The following DCLK1 variants were observed in gnomAD, a reference collection of about 807,000 sequenced individuals.
The protein encoded by DCLK1 is serine/threonine-protein kinase DCLK1.
A neutral mutation model predicts 86.2 loss-of-function variants in DCLK1; 16 were observed. The observed-to-expected ratio is 0.19, with a 90% confidence interval of 0.13 to 0.28. The LOEUF (loss-of-function observed/expected upper bound fraction) is 0.28. Among genes scored for constraint, DCLK1 ranks in the 10% least tolerant of loss-of-function variants. The pLI is 1.00. For missense variants in DCLK1, 590 were observed against 940.2 expected, an observed-to-expected ratio of 0.63 and a Z score of 4.87; for synonymous variants, 369 against 370.5, an observed-to-expected ratio of 1.00 and a Z score of 0.05.
chr13:36,087,362 G>T (rs190087020), intron 3 of DCLK1, among the ~76,000 whole-genome samples: 1 of 152,294 alleles, frequency 6.6e-6, no homozygotes. Flanking sequence ...CAACAAAACA[G>T]GGCATTTATC....
intron 3 of DCLK1, among the ~76,000 whole-genome samples, chr13:36,106,991 T>C (rs1019439782): frequency 5.3e-5 from 8 of 152,194 alleles, no homozygotes; most frequent in Non-Finnish European, 8.8e-5. Context: ...ATCTGATTAA[T>C]AGATTCCTAT....
At position 35,905,825 on chromosome 13, in the gene DCLK1, G is replaced by A. The variant is rs538522935; in HGVS notation, c.824-34485C>T. ...TAGCCAGGTGTGGTGGTGTGGGACT[G>A]TGGGCTCCGTCTCAAAAAAAAAAAG... On this transcript the variant is annotated intron_variant, in intron 4 of 16. Coordinates refer to ENST00000360631, the MANE Select transcript of DCLK1 (RefSeq NM_001330071.2). Among the ~76,000 whole-genome samples the A allele has an allele frequency of 5.2e-4, 78 of 149,314 alleles. 1 individual carries two copies. The highest frequency in any genetic ancestry group is 9.4e-4 in the Non-Finnish European group (64 of 67,920).
At chr13:35,924,371 C>T (rs767968984) in intron 4 of DCLK1, among the ~76,000 whole-genome samples, 17 of 152,020 alleles carry the variant, frequency 1.1e-4, no homozygotes, top group Admixed American at 6.6e-4. Context: ...AGGCTTAGGC[C>T]GGGCACAGTG....
intron 3 of DCLK1, among the ~76,000 whole-genome samples, chr13:36,111,353 A>T (rs1373078190): frequency 1.5e-4 from 23 of 152,202 alleles, no homozygotes; most frequent in Admixed American, 1.5e-3. Flanking sequence ...CTATTCTAGA[A>T]ATATGCCTTT....
rs58801666 is a variant in DCLK1, at chr13:35,901,491, C to CAAAAAAAA, written c.824-30159_824-30152dup. ...GGTGACAGAGTGAGAGACTCTGTCT[C>CAAAAAAAA]AAAAAAAAAAAAAAAAAAAAAAAAA... is the stretch of plus-strand genomic sequence containing the variant. On this transcript the variant is annotated intron_variant, in intron 4 of 16. Transcript: ENST00000360631. 8.9e-4 allele frequency among the ~76,000 whole-genome samples: 41 copies of CAAAAAAAA among 45,876 alleles called. 10 individuals carry two copies. Among genetic ancestry groups the CAAAAAAAA allele is most frequent in the Non-Finnish European group, 1.2e-3 (35 of 29,032 alleles). The allele number at this position is 45,876 out of a possible 152,430, so 30.1% of individuals were successfully genotyped here.
At position 35,900,359 on chromosome 13, in the gene DCLK1, G is replaced by T. The variant is rs145896227; in HGVS notation, c.824-29019C>A. Among the ~76,000 whole-genome samples, 1,404 of 151,696 alleles carry T rather than the reference G, an allele frequency of 9.3e-3. 23 individuals carry two copies. Among genetic ancestry groups the T allele is most frequent in the African/African-American group, 0.032 (1,341 of 41,324 alleles). On this transcript the variant is annotated intron_variant, in intron 4 of 16. Transcript: ENST00000360631. The stretch of plus-strand genomic sequence containing the variant: ...AGGTTCAAGCAATTCTTGTGCCTCA[G>T]CCTTCCAAGTAGCCGGGATTACAGG...
At chr13:36,068,311 CTG>C (rs1430533999) in intron 3 of DCLK1, among the ~76,000 whole-genome samples, 1 of 152,172 alleles carries the variant, frequency 6.6e-6, no homozygotes, top group Non-Finnish European at 1.5e-5. Flanking sequence ...GCTAGCTACA[CTG>C]TCTTGGTCTC....
chr13:35,954,563 C>T (rs140193906), intron 3 of DCLK1, among the ~76,000 whole-genome samples: 25 of 152,180 alleles, frequency 1.6e-4, no homozygotes, highest in African/African-American at 5.1e-4. Context: ...AAGCGTGTTA[C>T]GTTATTGTCA....
chr13:35,943,577 C>T (rs764427209), intron 4 of DCLK1, among the ~76,000 whole-genome samples: 17 of 152,038 alleles, frequency 1.1e-4, no homozygotes, highest in East Asian at 3.9e-4. Flanking sequence ...TCTGGACTCC[C>T]GAGCACGCAG....
chr13:35,984,751 C>G (rs552070357), intron 3 of DCLK1, among the ~76,000 whole-genome samples: 1 of 152,106 alleles, frequency 6.6e-6, no homozygotes, highest in Non-Finnish European at 1.5e-5. Flanking sequence ...TCTATCATTC[C>G]CCTGATCCAG....
At chr13:35,991,642 C>T (rs1008442855) in intron 3 of DCLK1, among the ~76,000 whole-genome samples, 1 of 152,116 alleles carries the variant, frequency 6.6e-6, no homozygotes. Flanking sequence ...AGAACCTGGG[C>T]AACAGACAGA....
At chr13:36,030,352 A>G (rs1882218264) in intron 3 of DCLK1, among the ~76,000 whole-genome samples, 1 of 151,962 alleles carries the variant, frequency 6.6e-6, no homozygotes, top group Admixed American at 6.6e-5. Flanking sequence ...GCTGGAGTGC[A>G]GTGGCACGAT....
intron 11 of DCLK1, among the ~76,000 whole-genome samples, chr13:35,814,624 TGTCA>T: frequency 6.6e-6 from 1 of 152,200 alleles, no homozygotes. Context: ...GTACATTAAT[TGTCA>T]GTCAAGGAGT....
At chr13:36,015,132 T>C (rs1881491129) in intron 3 of DCLK1, among the ~76,000 whole-genome samples, 1 of 152,166 alleles carries the variant, frequency 6.6e-6, no homozygotes, top group Non-Finnish European at 1.5e-5. Context: ...GCCCTTGGCA[T>C]ATAGCAGATA....
At position 36,125,817 on chromosome 13, in the gene DCLK1, T is replaced by C. The variant is rs752138445; in HGVS notation, c.321A>G (p.Thr107=). Residue 107 remains threonine, a synonymous_variant, in exon 2 of 17, where the codon ACA becomes ACG. Coordinates refer to ENST00000360631, the MANE Select transcript of DCLK1 (RefSeq NM_001330071.2). The part of the protein sequence containing the change: ...DNVNLPQGVR[T]IYTIDGLKKI... Reference sequence around the variant, plus strand: ...TCTTGAGCCCATCAATGGTGTAGATTGTTCTCACTCCCTGGGGCAAATTCA... The same window carrying C: ...TCTTGAGCCCATCAATGGTGTAGATCGTTCTCACTCCCTGGGGCAAATTCA... The C allele has an allele frequency of 6.8e-6, 11 of 1,611,474 alleles. No homozygotes were observed. The South Asian group carries it at 1.2e-4, about 18-fold the overall frequency.
At chr13:35,982,065 C>A (rs1002578687) in intron 3 of DCLK1, among the ~76,000 whole-genome samples, 1 of 152,078 alleles carries the variant, frequency 6.6e-6, no homozygotes, top group African/African-American at 2.4e-5. Context: ...TTTTTGAGAG[C>A]TCTAATTATA....
chr13:35,973,882 G>C (rs1879190069), intron 3 of DCLK1, among the ~76,000 whole-genome samples: 1 of 152,084 alleles, frequency 6.6e-6, no homozygotes. Flanking sequence ...GATGAACCTG[G>C]AGCAGGGACA....
rs114314383 is a variant in DCLK1, at chr13:35,872,844, C to A, written c.824-1504G>T. ...TTATATAAACACATATATACATAGC[C>A]AGGTTTTTGTTTGCTTTTTATAAAA... is the stretch of plus-strand genomic sequence containing the variant. On this transcript the variant is annotated intron_variant, in intron 4 of 16. Coordinates refer to ENST00000360631, the MANE Select transcript of DCLK1 (RefSeq NM_001330071.2). Among the ~76,000 whole-genome samples, 1,226 of 152,172 alleles carry A rather than the reference C, an allele frequency of 8.1e-3. 11 individuals carry two copies. Among genetic ancestry groups the A allele is most frequent in the African/African-American group, 0.028 (1,174 of 41,514 alleles).
intron 11 of DCLK1, among the ~76,000 whole-genome samples, chr13:35,822,481 C>T (rs191681784): frequency 6.6e-6 from 1 of 152,216 alleles, no homozygotes; most frequent in East Asian, 1.9e-4. Context: ...TACAGCCCTA[C>T]CCTTCGCGAG....
Sources: allele counts gnomAD v4.1 joint callset (sites outside exome capture counted in the v4.1 genomes callset), GRCh38; gene constraint gnomAD v4.1.1; transcripts MANE v1.5; gene names NCBI Gene and HGNC (gene_info 2026-07-23, HGNC 2026-07-21).